Variants in PCDHGA5 observed in about 807,000 individuals in gnomAD.
PCDHGA5 encodes protocadherin gamma subfamily A, 5.
A neutral mutation model predicts 56.7 loss-of-function variants in PCDHGA5; 36 were observed. That is an observed-to-expected ratio of 0.64 (90% CI 0.49 to 0.84). The LOEUF (loss-of-function observed/expected upper bound fraction) is 0.84, where lower values mean the gene tolerates loss of function less well. Ranked by LOEUF, PCDHGA5 falls within the 40% of genes least tolerant of loss-of-function variation. The pLI is 0.00. For synonymous variants in PCDHGA5, 563 were observed against 520.2 expected (o/e 1.08, Z -1.12); for missense variants, 1,305 against 1,201.5 (o/e 1.09, Z -1.27).
chr5:141,392,298 G>T (rs568188111), intron 1 of PCDHGA5: 3 of 152,090 alleles, frequency 2.0e-5, no homozygotes, highest in African/African-American at 7.2e-5. Flanking sequence ...GGAAATGAAA[G>T]TATCATGTTT....
chr5:141,438,615 TATATATATATATATATATATAC>T (rs1275224820), intron 1 of PCDHGA5, among the ~76,000 whole-genome samples: 95 of 35,914 alleles, frequency 2.6e-3, no homozygotes, highest in East Asian at 8.4e-3. Flanking sequence ...TATATATATA[TATATATATATATATATATATAC>T]ACACACACAC....
intron 1 of PCDHGA5, chr5:141,404,785 C>T (rs1028323734): frequency 1.9e-6 from 3 of 1,613,330 alleles, no homozygotes; most frequent in Admixed American, 1.7e-5. Context: ...TATTCAAGGC[C>T]AGTGAGCCAG....
At chr5:141,393,265 G>T (rs755014362) in intron 1 of PCDHGA5, 3 of 1,613,904 alleles carry the variant, frequency 1.9e-6, no homozygotes, top group South Asian at 1.1e-5. Flanking sequence ...CCTGGAGCAC[G>T]TTATCCACTC....
intron 1 of PCDHGA5, chr5:141,405,463 A>C: frequency 8.5e-7 from 1 of 1,181,354 alleles, no homozygotes. Flanking sequence ...TCTGTTACCC[A>C]GGCTGGAATG....
rs560582745 is a variant in PCDHGA5 at position 141,399,792 on chromosome 5, A to C, written c.2421+33041A>C. On this transcript the variant is annotated intron_variant, in intron 1 of 3. Transcript: ENST00000518069. ...TGGTGGGCGACCGAAACGACAACGCACCGCGGGTGCTGTACCCCGCGCTGG... is the reference window on the plus strand; with the variant it reads ...TGGTGGGCGACCGAAACGACAACGCCCCGCGGGTGCTGTACCCCGCGCTGG... 8 of 1,613,146 alleles carry C rather than the reference A, an allele frequency of 5.0e-6. No homozygotes were observed. The South Asian group carries it at 8.8e-5, about 18-fold the overall frequency.
At chr5:141,423,140 C>T (rs760216287) in intron 1 of PCDHGA5, 7 of 1,613,498 alleles carry the variant, frequency 4.3e-6, no homozygotes, top group Non-Finnish European at 2.5e-6. Flanking sequence ...GACAGAGACG[C>T]GCTCAAGCAG....
chr5:141,388,910 C>T, intron 1 of PCDHGA5: 1 of 1,613,852 alleles, frequency 6.2e-7, no homozygotes, highest in East Asian at 2.2e-5. Context: ...ATGACAACGC[C>T]CCAGAAGTGA....
At chr5:141,444,865 G>A (rs1038923777) in intron 1 of PCDHGA5, among the ~76,000 whole-genome samples, 1 of 152,098 alleles carries the variant, frequency 6.6e-6, no homozygotes, top group Non-Finnish European at 1.5e-5. Flanking sequence ...TCTTACTACA[G>A]GACAAAGCTT....
chr5:141,411,258 A>G (rs1415319110), intron 1 of PCDHGA5: 1 of 152,200 alleles, frequency 6.6e-6, no homozygotes, highest in African/African-American at 2.4e-5. Flanking sequence ...TATCTTATTT[A>G]TATATTTTTA....
intron 1 of PCDHGA5, chr5:141,403,191 G>A (rs368387997): frequency 1.1e-5 from 18 of 1,613,876 alleles, no homozygotes; most frequent in Non-Finnish European, 1.4e-5. Context: ...CTGAACCCGC[G>A]CAGCGGCACC....
intron 1 of PCDHGA5, chr5:141,408,883 C>A: frequency 6.2e-7 from 1 of 1,613,462 alleles, no homozygotes; most frequent in Non-Finnish European, 8.5e-7. Flanking sequence ...CCACCGCTCA[C>A]ATAGAAATTT....
At chr5:141,372,516 A>C in intron 1 of PCDHGA5, 1 of 1,613,902 alleles carries the variant, frequency 6.2e-7, no homozygotes, top group Non-Finnish European at 8.5e-7. Context: ...CCTCGCGGTG[A>C]TTCTGGCAAT....
At chr5:141,383,007 G>A (rs1047921009) in intron 1 of PCDHGA5, 1 of 1,613,748 alleles carries the variant, frequency 6.2e-7, no homozygotes, top group Non-Finnish European at 8.5e-7. Flanking sequence ...ACTCCGTGTC[G>A]GAGGAGACGG....
intron 1 of PCDHGA5, chr5:141,426,612 G>A (rs2096947310): frequency 2.6e-6 from 1 of 384,602 alleles, no homozygotes; most frequent in Non-Finnish European, 5.3e-6. Flanking sequence ...GATTGTAGCA[G>A]AGAATCCTCT....
At chr5:141,492,237 C>G (rs2099738580) in intron 1 of PCDHGA5, among the ~76,000 whole-genome samples, 1 of 152,206 alleles carries the variant, frequency 6.6e-6, no homozygotes, top group Admixed American at 6.5e-5. Flanking sequence ...TCCCTGCTGG[C>G]CACCCCCACG....
intron 1 of PCDHGA5, chr5:141,371,291 G>A (rs755232454): frequency 2.5e-6 from 4 of 1,613,976 alleles, no homozygotes; most frequent in Non-Finnish European, 3.4e-6. Context: ...GTAAAACGGG[G>A]GAACTCACCA....
At chr5:141,394,050 G>GA (rs2092909261) in intron 1 of PCDHGA5, 4 of 1,613,594 alleles carry the variant, frequency 2.5e-6, no homozygotes, top group Non-Finnish European at 3.4e-6. Context: ...TTTGGACCGA[G>GA]AAAATGTCTC....
chr5:141,372,306 G>A (rs771102617), intron 1 of PCDHGA5: 4 of 1,613,152 alleles, frequency 2.5e-6, no homozygotes, highest in Non-Finnish European at 3.4e-6. Context: ...CAGGGAGGCC[G>A]CCCGCCAGCG....
At position 141,485,359 on chromosome 5, in the gene PCDHGA5, C is replaced by G. The variant is rs1233826208; in HGVS notation, c.2422-9448C>G. 6.2e-7 allele frequency: 1 copy of G among 1,614,026 alleles called. No individual in the cohort carries two copies. The highest frequency in any genetic ancestry group is 8.5e-7 in the Non-Finnish European group (1 of 1,180,018). On this transcript the variant is annotated intron_variant, in intron 1 of 3. Transcript: ENST00000518069. This position sits in a 1 kb window ranked among gnomAD's most constrained non-coding sequence, Gnocchi z 5.7. ...TGGATACGGACAGTCTGTCAGCTCG[C>G]AGGCTGCAGGTCGCTGGAGAGGTGA...
Sources: gnomAD v4.1 joint callset for allele counts (sites outside exome capture counted in the v4.1 genomes callset) on GRCh38, gnomAD v4.1.1 for gene constraint, Gnocchi (gnomAD v3.1) non-coding constraint, MANE v1.5 for transcripts, NCBI Gene and HGNC (gene_info 2026-07-23, HGNC 2026-07-21) for gene names.